The following DNAJC1 variants were observed in gnomAD, a reference collection of about 807,000 sequenced individuals.
The protein encoded by DNAJC1 is dnaJ homolog subfamily C member 1.
DNAJC1 carries 58 observed loss-of-function variants against 76.6 expected under a neutral mutation model. The ratio of observed to expected loss-of-function variants is 0.76; its 90% CI spans 0.61 to 0.94. DNAJC1 has a LOEUF of 0.94. DNAJC1 is among the 40% of genes least tolerant of loss of function. The pLI is 0.00. For missense variants in DNAJC1, 689 were observed against 677.3 expected (o/e 1.02, Z -0.19); for synonymous variants, 258 against 267.9 (o/e 0.96, Z 0.36).
At chr10:21,845,080 A>G (rs559135760) in intron 8 of DNAJC1, among the ~76,000 whole-genome samples, 2 of 152,258 alleles carry the variant, frequency 1.3e-5, no homozygotes, top group South Asian at 4.1e-4. Flanking sequence ...AAATTTCCCT[A>G]CGGTGGAGAG....
intron 8 of DNAJC1, among the ~76,000 whole-genome samples, chr10:21,830,323 ATATCTT>A (rs1037499417): frequency 6.6e-6 from 1 of 152,196 alleles, no homozygotes; most frequent in Non-Finnish European, 1.5e-5. Flanking sequence ...TTGTTTGAAA[ATATCTT>A]TATTTTATTC....
intron 9 of DNAJC1, among the ~76,000 whole-genome samples, chr10:21,776,075 G>A (rs1434268228): frequency 6.6e-6 from 1 of 152,034 alleles, no homozygotes; most frequent in East Asian, 1.9e-4. Context: ...GGTAAGGGTA[G>A]AGTGAATGAA....
chr10:21,812,180 T>G (rs1834978681), intron 8 of DNAJC1, among the ~76,000 whole-genome samples: 1 of 151,840 alleles, frequency 6.6e-6, no homozygotes, highest in Admixed American at 6.6e-5. Context: ...TGCCTCAGCC[T>G]CCCGAGTAAC....
intron 6 of DNAJC1, among the ~76,000 whole-genome samples, chr10:21,917,416 T>C (rs1836974863): frequency 6.6e-6 from 1 of 152,128 alleles, no homozygotes; most frequent in Non-Finnish European, 1.5e-5. Context: ...TGATATCTTA[T>C]GTAATATTCT....
intron 7 of DNAJC1, among the ~76,000 whole-genome samples, chr10:21,893,283 A>C (rs1836486443): frequency 6.6e-6 from 1 of 152,200 alleles, no homozygotes; most frequent in Non-Finnish European, 1.5e-5. Context: ...TCAATGGATC[A>C]AAGAGGAAAT....
At chr10:21,918,712 G>A in intron 6 of DNAJC1, 67 bp downstream of exon 6, 2 of 1,186,342 alleles carry the variant, frequency 1.7e-6, no homozygotes, top group Non-Finnish European at 2.5e-6. Flanking sequence ...GCCGACATGG[G>A]CATAAATTAT....
At chr10:21,959,814 AG>A (rs1331111349) in intron 1 of DNAJC1, among the ~76,000 whole-genome samples, 3 of 148,486 alleles carry the variant, frequency 2.0e-5, no homozygotes, top group Non-Finnish European at 4.5e-5. Context: ...AAAAAAAAAA[AG>A]AAGAGAGAAA....
chr10:21,902,738 T>TA (rs1210335918), intron 7 of DNAJC1, among the ~76,000 whole-genome samples: 9 of 152,326 alleles, frequency 5.9e-5, no homozygotes, highest in Admixed American at 1.3e-4. Flanking sequence ...ATGTTTAACC[T>TA]AATTTCAAAA....
intron 1 of DNAJC1, among the ~76,000 whole-genome samples, chr10:21,930,323 A>G (rs978051702): frequency 6.6e-6 from 1 of 152,194 alleles, no homozygotes; most frequent in Non-Finnish European, 1.5e-5. Flanking sequence ...TTAAAATAAC[A>G]TATTAATATT....
intron 1 of DNAJC1, among the ~76,000 whole-genome samples, chr10:21,938,075 G>C (rs1324078434): frequency 2.0e-5 from 3 of 151,850 alleles, no homozygotes; most frequent in Non-Finnish European, 4.4e-5. Context: ...TAAAATATCA[G>C]GGTTTCATTA....
intron 7 of DNAJC1, among the ~76,000 whole-genome samples, chr10:21,893,900 A>C (rs1016249272): frequency 6.6e-6 from 1 of 152,152 alleles, no homozygotes; most frequent in African/African-American, 2.4e-5. Flanking sequence ...TCCTTTGAAA[A>C]GATCAACAAC....
intron 8 of DNAJC1, among the ~76,000 whole-genome samples, chr10:21,851,651 T>C (rs1202191463): frequency 6.6e-6 from 1 of 152,048 alleles, no homozygotes; most frequent in Non-Finnish European, 1.5e-5. Flanking sequence ...CCCAAAGCAA[T>C]TGAAAACATA....
chr10:21,818,724 C>T lies in DNAJC1; in HGVS notation c.979-12625G>A, dbSNP rs184741398. On this transcript the variant is annotated intron_variant, in intron 8 of 11. Transcript: ENST00000376980. ...ACATGACTATCAGGGGCAGGTTCCCCGATAAAGAAAGAAATGAGTAAGACC... is the reference window on the plus strand; with the variant it reads ...ACATGACTATCAGGGGCAGGTTCCCTGATAAAGAAAGAAATGAGTAAGACC... Among the ~76,000 whole-genome samples the T allele has an allele frequency of 1.9e-3, 296 of 152,054 alleles. 2 individuals carry two copies. The highest frequency in any genetic ancestry group is 6.6e-3 in the African/African-American group (275 of 41,432).
chr10:21,814,906 C>T (rs1022354928), intron 8 of DNAJC1, among the ~76,000 whole-genome samples: 1 of 152,154 alleles, frequency 6.6e-6, no homozygotes, highest in Admixed American at 6.5e-5. Context: ...ACTCCTCTAG[C>T]CCTTATGTTG....
chr10:21,950,361 C>G (rs1179200798), intron 1 of DNAJC1, among the ~76,000 whole-genome samples: 1 of 152,046 alleles, frequency 6.6e-6, no homozygotes, highest in South Asian at 2.1e-4. Flanking sequence ...GAGTCACGAA[C>G]CATGTCTATA....
At chr10:21,976,629 T>C (rs1838067805) in intron 1 of DNAJC1, among the ~76,000 whole-genome samples, 1 of 152,230 alleles carries the variant, frequency 6.6e-6, no homozygotes, top group Non-Finnish European at 1.5e-5. Flanking sequence ...ATGTACATAC[T>C]GTATTTCTTA....
At position 21,900,366 on chromosome 10, in the gene DNAJC1, AAAAGAT is replaced by A. The variant is rs1290946624; in HGVS notation, c.820+4150_820+4155del. Among the ~76,000 whole-genome samples, 9 of 152,140 alleles carry A rather than the reference AAAAGAT, an allele frequency of 5.9e-5. No individual in the cohort carries two copies. In the East Asian group the frequency reaches 1.5e-3, roughly 26 times the overall value. On this transcript the variant is annotated intron_variant, in intron 7 of 11. Coordinates refer to ENST00000376980, the MANE Select transcript of DNAJC1 (RefSeq NM_022365.4). ...TCAAAAAAAAAAAGCAAAAGAAAAAAAAAGATAAAGAAATTTGACTAATTAATCTAT... is the reference window on the plus strand; with the variant it reads ...TCAAAAAAAAAAAGCAAAAGAAAAAAAAAGAAATTTGACTAATTAATCTAT...
At chr10:21,977,475 G>A (rs954970727) in intron 1 of DNAJC1, among the ~76,000 whole-genome samples, 2 of 152,076 alleles carry the variant, frequency 1.3e-5, no homozygotes, top group African/African-American at 2.4e-5. Flanking sequence ...ATTTCCCAAA[G>A]TAGTAATTAC....
chr10:21,975,308 T>A (rs1308942616), intron 1 of DNAJC1, among the ~76,000 whole-genome samples: 1 of 151,376 alleles, frequency 6.6e-6, no homozygotes, highest in Non-Finnish European at 1.5e-5. Flanking sequence ...GAGAAAAAAA[T>A]AAGCTGCAAT....
Sources: allele counts gnomAD v4.1 joint callset (sites outside exome capture counted in the v4.1 genomes callset), GRCh38; gene constraint gnomAD v4.1.1; transcripts MANE v1.5; gene names NCBI Gene and HGNC (gene_info 2026-07-23, HGNC 2026-07-21).